Variants in CRIPT observed in about 807,000 individuals in gnomAD.
CRIPT encodes cysteine-rich PDZ-binding protein.
A neutral mutation model predicts 16.6 loss-of-function variants in CRIPT; 20 were observed. That is an observed-to-expected ratio of 1.20 (90% confidence interval 0.85 to 1.75). The LOEUF (loss-of-function observed/expected upper bound fraction) is 1.75, where lower values mean the gene tolerates loss of function less well. Ranked by LOEUF, CRIPT falls within the 40% of genes most tolerant of loss-of-function variation. CRIPT has a pLI of 0.00. For missense variants in CRIPT, 133 were observed against 115.3 expected, an observed-to-expected ratio of 1.15 and a Z score of -0.70; for synonymous variants, 42 against 37.0, an observed-to-expected ratio of 1.14 and a Z score of -0.49.
chr2:46,624,037 A>AT, intron 4 of CRIPT, 126 bp from the exon 5 acceptor site: 2 of 393,928 alleles, frequency 5.1e-6, no homozygotes, highest in Non-Finnish European at 8.3e-6. Flanking sequence ...ATATATATAT[A>AT]TATATTTTTT....
At chr2:46,617,384 T>C in intron 1 of CRIPT, 86 bp downstream of exon 1, 3 of 1,444,946 alleles carry the variant, frequency 2.1e-6, no homozygotes, top group South Asian at 1.3e-5. Flanking sequence ...CTCGTTGTTT[T>C]TTCTTCGCCC....
intron 3 of CRIPT, among the ~76,000 whole-genome samples, chr2:46,621,342 A>G (rs1173343441): frequency 1.3e-5 from 2 of 152,118 alleles, no homozygotes; most frequent in East Asian, 1.9e-4. Flanking sequence ...ACTCCCATCC[A>G]AAGAGATTTG....
intron 3 of CRIPT, 28 bp from the exon 4 acceptor site, chr2:46,623,736 A>G: frequency 1.5e-6 from 2 of 1,353,444 alleles, no homozygotes; most frequent in Non-Finnish European, 2.1e-6. Context: ...GTAATATACA[A>G]TTTTCTCTCT....
chr2:46,623,343 C>T lies in CRIPT; in HGVS notation c.138-421C>T, dbSNP rs987330800. The stretch of plus-strand genomic sequence containing the variant: ...AGTTACTTTCCTAGTGATTTTCCCC[C>T]AGTTTTCAACAGTTGTCTTACCCAT... On this transcript the variant is annotated intron_variant, in intron 3 of 4. Transcript: ENST00000238892. Among the ~76,000 whole-genome samples, 7 of 152,238 alleles carry T rather than the reference C, an allele frequency of 4.6e-5. No individual in the cohort carries two copies. In the East Asian group the frequency reaches 1.2e-3, roughly 25 times the overall value.
In CRIPT at chr2:46,627,606, G is replaced by A. The variant is rs754132395; in HGVS notation, c.*3379G>A. Reference sequence around the variant, plus strand: ...ATTACAGGCACATGCCACCACGCCTGGCTAATTTTTCTATTTTTAGTAGGA... The same window carrying A: ...ATTACAGGCACATGCCACCACGCCTAGCTAATTTTTCTATTTTTAGTAGGA... On this transcript the variant is annotated 3_prime_UTR_variant, in exon 5 of 5. Coordinates refer to ENST00000238892, the MANE Select transcript of CRIPT (RefSeq NM_014171.6). Among the ~76,000 whole-genome samples the A allele has an allele frequency of 6.6e-6, 1 of 151,802 alleles. No individual in the cohort carries two copies. The highest frequency in any genetic ancestry group is 2.4e-5 in the African/African-American group (1 of 41,288).
Position 46,627,517 on chromosome 2 carries a change from C to T in CRIPT, c.*3290C>T, listed in dbSNP as rs1014231964. Among the ~76,000 whole-genome samples the T allele has an allele frequency of 1.3e-5, 2 of 151,696 alleles. No homozygotes were observed. Among genetic ancestry groups the T allele is most frequent in the African/African-American group, 4.8e-5 (2 of 41,278 alleles). ...GGAGTACAGTGGTACAATCTTGGCT[C>T]ACCACAACCTCCACCTCCCAGGCTC... On this transcript the variant is annotated 3_prime_UTR_variant, in exon 5 of 5. Coordinates refer to ENST00000238892, the MANE Select transcript of CRIPT (RefSeq NM_014171.6).
chr2:46,621,832 A>G (rs1456368939), intron 3 of CRIPT, among the ~76,000 whole-genome samples: 1 of 152,214 alleles, frequency 6.6e-6, no homozygotes, highest in Non-Finnish European at 1.5e-5. Context: ...TGACTGACTT[A>G]TTGAGGTCTT....
At chr2:46,618,890 A>G in intron 2 of CRIPT, 52 bp downstream of exon 2, 1 of 1,085,546 alleles carries the variant, frequency 9.2e-7, no homozygotes, top group East Asian at 2.4e-5. Context: ...ACTGTGAATA[A>G]TACCTTAGTT....
At chr2:46,617,606 G>C (rs538378898) in intron 1 of CRIPT, among the ~76,000 whole-genome samples, 31 of 152,252 alleles carry the variant, frequency 2.0e-4, no homozygotes, top group Admixed American at 1.8e-3. Flanking sequence ...ACACCTTTCT[G>C]TCTTGGCAAT....
intron 3 of CRIPT, among the ~76,000 whole-genome samples, chr2:46,620,530 C>T (rs1262348128): frequency 6.6e-6 from 1 of 151,926 alleles, no homozygotes; most frequent in African/African-American, 2.4e-5. Flanking sequence ...CAAAGTCTTA[C>T]CTAGACACTT....
In CRIPT at chr2:46,630,169, T is replaced by G. The variant is rs1671034977; in HGVS notation, c.*5942T>G. Among the ~76,000 whole-genome samples, 1 of 152,112 alleles carries G rather than the reference T, an allele frequency of 6.6e-6. No homozygotes were observed. The highest frequency in any genetic ancestry group is 1.5e-5 in the Non-Finnish European group (1 of 68,026). On this transcript the variant is annotated 3_prime_UTR_variant, in exon 5 of 5. Transcript: ENST00000238892. The stretch of plus-strand genomic sequence containing the variant: ...AAAATCAGAAAATTAACATTAATAC[T>G]TTACTATTATCAAATCTTTTTCATA...
chr2:46,622,356 C>A (rs34996358), intron 3 of CRIPT, among the ~76,000 whole-genome samples: 1 of 143,420 alleles, frequency 7.0e-6, no homozygotes, highest in Non-Finnish European at 1.5e-5. Context: ...GGCGACAGAG[C>A]GAGACTCCGT....
rs1558716043 is a variant in CRIPT at position 46,617,285 on chromosome 2, GGT to G, written c.7_8del (p.Cys3ArgfsTer4). ...TAGGGGAACCGTCGTGGGGAAGGAT[GGT>G]GTGCGAAAAATGTGAGTTAAGGGGC... MVCEKCEKKLGT... is the reference protein window; with the variant it reads MXCEKCEKKLGT... On this transcript the variant is annotated frameshift_variant, in exon 1 of 5. Coordinates refer to ENST00000238892, the MANE Select transcript of CRIPT (RefSeq NM_014171.6). LOFTEE classifies it high-confidence loss of function. 6.4e-7 allele frequency: 1 copy of G among 1,555,254 alleles called. No individual in the cohort carries two copies. The highest frequency in any genetic ancestry group is 8.7e-7 in the Non-Finnish European group (1 of 1,148,458).
At chr2:46,623,981 T>C (rs2104174968) in intron 4 of CRIPT, 114 bp downstream of exon 4, 3 of 653,170 alleles carry the variant, frequency 4.6e-6, no homozygotes, top group Non-Finnish European at 7.2e-6. Flanking sequence ...ACACTCTCTT[T>C]ATCCTAAGGC....
In CRIPT at chr2:46,629,334, A is replaced by G. The variant is rs911473130; in HGVS notation, c.*5107A>G. Among the ~76,000 whole-genome samples, 10 of 152,222 alleles carry G rather than the reference A, an allele frequency of 6.6e-5. No homozygotes were observed. The highest frequency in any genetic ancestry group is 2.4e-4 in the African/African-American group (10 of 41,452). On this transcript the variant is annotated 3_prime_UTR_variant, in exon 5 of 5. Transcript: ENST00000238892. ...CCCTTTAACACTACACATGCACTTC[A>G]TAAGAACAAGCATGCTGTCTTACCC...
At chr2:46,619,489 C>T in intron 2 of CRIPT, 138 bp from the exon 3 acceptor site, 1 of 547,814 alleles carries the variant, frequency 1.8e-6, no homozygotes, top group South Asian at 2.9e-5. Context: ...TAAGCAGTAT[C>T]TTAATAACCT....
chr2:46,624,041 ATT>A (rs11333819), intron 4 of CRIPT, 120 bp from the exon 5 acceptor site: 107 of 374,662 alleles, frequency 2.9e-4, no homozygotes, highest in African/African-American at 6.2e-4. Context: ...ATATATATAT[ATT>A]TTTTTTTTCT....
rs1257343165 is a variant in CRIPT at position 46,624,718 on chromosome 2, T to C, written c.*491T>C. On this transcript the variant is annotated 3_prime_UTR_variant, in exon 5 of 5. Coordinates refer to ENST00000238892, the MANE Select transcript of CRIPT (RefSeq NM_014171.6). The stretch of plus-strand genomic sequence containing the variant: ...AAGCCATTATTGCTGAATGGTTCTT[T>C]AGTTATTAACCTAGACCCAAATCAA... The C allele has an allele frequency of 1.3e-5, 2 of 152,254 alleles. No homozygotes were observed. The highest frequency in any genetic ancestry group is 4.8e-5 in the African/African-American group (2 of 41,458). 9.4% of individuals were successfully genotyped at this position (152,254 alleles called of 1,614,324 possible).
chr2:46,623,161 G>A (rs186369769), intron 3 of CRIPT, among the ~76,000 whole-genome samples: 46 of 152,160 alleles, frequency 3.0e-4, no homozygotes, highest in East Asian at 5.8e-4. Context: ...AAATTAAAGC[G>A]CATAACTGTA....
Sources: gnomAD v4.1 joint callset for allele counts (sites outside exome capture counted in the v4.1 genomes callset) on GRCh38, gnomAD v4.1.1 for gene constraint, MANE v1.5 for transcripts, NCBI Gene and HGNC (gene_info 2026-07-23, HGNC 2026-07-21) for gene names.